Variants in PLXNA4 observed in about 807,000 individuals in gnomAD.
PLXNA4 encodes plexin A4, also known as plexin-A4.
A neutral mutation model predicts 191.8 loss-of-function variants in PLXNA4; 44 were observed. The ratio of observed to expected loss-of-function variants is 0.23; its 90% confidence interval spans 0.18 to 0.29. The LOEUF is 0.29. Ranked by LOEUF, PLXNA4 falls within the 10% of genes least tolerant of loss-of-function variation. The pLI is 1.00. For missense variants in PLXNA4, 1,800 were observed against 2,488.8 expected (o/e 0.72, Z 5.89); for synonymous variants, 1,082 against 1,009.5 (o/e 1.07, Z -1.36).
At chr7:132,370,871 C>T (rs1257892956) in intron 3 of PLXNA4, among the ~76,000 whole-genome samples, 2 of 152,158 alleles carry the variant, frequency 1.3e-5, no homozygotes, top group African/African-American at 2.4e-5. Context: ...CAGGAGTCGA[C>T]GACTCACTTT....
intron 4 of PLXNA4, among the ~76,000 whole-genome samples, chr7:132,245,108 C>T (rs990342614): frequency 9.2e-5 from 14 of 151,998 alleles, no homozygotes; most frequent in African/African-American, 1.2e-4. Flanking sequence ...AACCACCCCA[C>T]GCTGATTAAA....
intron 1 of PLXNA4, among the ~76,000 whole-genome samples, chr7:132,567,937 A>G (rs1801807907): frequency 6.6e-6 from 1 of 152,182 alleles, no homozygotes; most frequent in Admixed American, 6.5e-5. Context: ...TGCTCACATC[A>G]ATCAGTGGTT....
intron 1 of PLXNA4, among the ~76,000 whole-genome samples, chr7:132,529,307 A>G (rs1343199311): frequency 1.4e-4 from 22 of 152,158 alleles, no homozygotes; most frequent in Admixed American, 1.4e-3. Context: ...ATCTCCTCAA[A>G]TCCTCCCTAC....
chr7:132,392,569 C>T (rs562306454), intron 3 of PLXNA4, among the ~76,000 whole-genome samples: 1 of 152,328 alleles, frequency 6.6e-6, no homozygotes, highest in East Asian at 1.9e-4. Flanking sequence ...GGCAGGTAGC[C>T]GAGTGCCCCA....
intron 1 of PLXNA4, among the ~76,000 whole-genome samples, chr7:132,547,216 G>A (rs958647923): frequency 6.6e-6 from 1 of 152,184 alleles, no homozygotes; most frequent in Middle Eastern, 3.4e-3. Context: ...CTTCACACAC[G>A]TCATCTCACG....
intron 3 of PLXNA4, among the ~76,000 whole-genome samples, chr7:132,352,610 G>A (rs1018539209): frequency 2.0e-5 from 3 of 152,200 alleles, no homozygotes; most frequent in Non-Finnish European, 1.5e-5. Flanking sequence ...ATACAGGAGG[G>A]ATATGGGAAA....
In PLXNA4 at chr7:132,403,196, C is replaced by T. The variant is rs551676724; in HGVS notation, c.1371+86096G>A. 1.4e-4 allele frequency among the ~76,000 whole-genome samples: 21 copies of T among 152,308 alleles called. 1 individual carries two copies. Among genetic ancestry groups the T allele is most frequent in the South Asian group, 1.2e-3 (6 of 4,828 alleles). Reference sequence around the variant, plus strand: ...CAGGTCCCGGCCCCAGACTCAGAGGCCCTGACGCCTGCTATGCCTGGTCCA... The same window carrying T: ...CAGGTCCCGGCCCCAGACTCAGAGGTCCTGACGCCTGCTATGCCTGGTCCA... On this transcript the variant is annotated intron_variant, in intron 3 of 31. Coordinates refer to ENST00000321063, the MANE Select transcript of PLXNA4 (RefSeq NM_020911.2).
chr7:132,638,676 A>G (rs1160616340), intron 2 of PLXNA4, among the ~76,000 whole-genome samples: 1 of 152,044 alleles, frequency 6.6e-6, no homozygotes, highest in Non-Finnish European at 1.5e-5. Context: ...AGAAAAAAAA[A>G]TGCCGACCAT....
At chr7:132,468,888 T>A (rs1163596950) in intron 3 of PLXNA4, among the ~76,000 whole-genome samples, 2 of 151,868 alleles carry the variant, frequency 1.3e-5, no homozygotes, top group African/African-American at 4.8e-5. Flanking sequence ...AGTATAGAAG[T>A]CTGGGGTGAG....
intron 2 of PLXNA4, among the ~76,000 whole-genome samples, chr7:132,493,470 C>T (rs1797882355): frequency 6.6e-6 from 1 of 152,150 alleles, no homozygotes; most frequent in Non-Finnish European, 1.5e-5. Flanking sequence ...CCTAGAAGCC[C>T]TGAGAGGGCC....
At chr7:132,563,656 TTCCTCC>T (rs1247132881) in intron 1 of PLXNA4, among the ~76,000 whole-genome samples, 1 of 48,160 alleles carries the variant, frequency 2.1e-5, no homozygotes, top group Non-Finnish European at 4.2e-5. Context: ...CCTTCTCCTC[TTCCTCC>T]TCCTTCTCCT....
intron 3 of PLXNA4, among the ~76,000 whole-genome samples, chr7:132,381,905 G>T (rs73436754): frequency 0.083 from 12,589 of 152,224 alleles, 999 homozygotes; most frequent in African/African-American, 0.17. Flanking sequence ...GTCGTCATCT[G>T]TGCACCCCCG....
At chr7:132,339,868 C>T (rs371388391) in intron 3 of PLXNA4, among the ~76,000 whole-genome samples, 2 of 152,032 alleles carry the variant, frequency 1.3e-5, no homozygotes, top group South Asian at 4.2e-4. Flanking sequence ...ATAAAAAGGC[C>T]TCTAAGGGTT....
In PLXNA4 at chr7:132,133,226, G is replaced by A. The variant is rs763016881; in HGVS notation, c.5439-27C>T. The A allele has an allele frequency of 1.9e-6, 3 of 1,612,044 alleles. No individual in the cohort carries two copies. The South Asian group carries it at 3.3e-5, about 18-fold the overall frequency. ...TGTGGAGGGATGGAAATAGGGAGAA[G>A]CTGAAGTCGTGCATACGGAGTAGAG... On this transcript the variant is annotated intron_variant, in intron 30 of 31. Coordinates refer to ENST00000321063, the MANE Select transcript of PLXNA4 (RefSeq NM_020911.2).
intron 3 of PLXNA4, among the ~76,000 whole-genome samples, chr7:132,381,058 C>A (rs1330942804): frequency 6.6e-6 from 1 of 152,238 alleles, no homozygotes; most frequent in African/African-American, 2.4e-5. Context: ...ATTTTATCTA[C>A]CATGGACTAT....
At chr7:132,290,474 C>A (rs970804291) in intron 4 of PLXNA4, among the ~76,000 whole-genome samples, 1 of 152,220 alleles carries the variant, frequency 6.6e-6, no homozygotes, top group Non-Finnish European at 1.5e-5. Context: ...ACTGACATTT[C>A]CCCTCACCTC....
chr7:132,133,692 G>A (rs1425614243), intron 30 of PLXNA4, among the ~76,000 whole-genome samples: 1 of 152,216 alleles, frequency 6.6e-6, no homozygotes, highest in Non-Finnish European at 1.5e-5. Flanking sequence ...ACTGGTAGAA[G>A]GCAATCAGTC....
At chr7:132,621,620 G>A (rs1563197109) in intron 2 of PLXNA4, among the ~76,000 whole-genome samples, 1 of 152,046 alleles carries the variant, frequency 6.6e-6, no homozygotes, top group African/African-American at 2.4e-5. Context: ...CATATACATG[G>A]GCAAGTGTTA....
At chr7:132,338,045 A>G (rs1402147213) in intron 3 of PLXNA4, among the ~76,000 whole-genome samples, 4 of 152,180 alleles carry the variant, frequency 2.6e-5, no homozygotes, top group Admixed American at 6.5e-5. Context: ...GCGCTGTTAT[A>G]TACTCACTCT....
Sources: allele counts gnomAD v4.1 joint callset (sites outside exome capture counted in the v4.1 genomes callset), GRCh38; gene constraint gnomAD v4.1.1; transcripts MANE v1.5; gene names NCBI Gene and HGNC (gene_info 2026-07-23, HGNC 2026-07-21).